The following KCNJ6 variants were observed in gnomAD, a reference collection of about 807,000 sequenced individuals.
The protein encoded by KCNJ6 is G protein-activated inward rectifier potassium channel 2.
Under a neutral mutation model 34.2 loss-of-function variants are expected in KCNJ6, and 9 were observed. The ratio of observed to expected loss-of-function variants is 0.26; its 90% CI spans 0.16 to 0.46. The LOEUF is 0.46. Ranked by LOEUF, KCNJ6 falls within the 20% of genes least tolerant of loss-of-function variation. The probability of loss-of-function intolerance (pLI) is 1.00; values close to 1 mark genes in which losing one functional copy is unlikely to be tolerated. For missense variants in KCNJ6, 236 were observed against 531.3 expected, an observed-to-expected ratio of 0.44 and a Z score of 5.46; for synonymous variants, 196 against 207.1, an observed-to-expected ratio of 0.95 and a Z score of 0.46.
At chr21:37,677,295 C>T (rs961314644) in intron 3 of KCNJ6, among the ~76,000 whole-genome samples, 1 of 152,208 alleles carries the variant, frequency 6.6e-6, no homozygotes, top group Non-Finnish European at 1.5e-5. Flanking sequence ...AGGCAGCCCT[C>T]ACCTGCTCTG....
At chr21:37,781,232 G>A (rs2055167953) in intron 2 of KCNJ6, among the ~76,000 whole-genome samples, 1 of 152,358 alleles carries the variant, frequency 6.6e-6, no homozygotes, top group South Asian at 2.1e-4. Flanking sequence ...CCCAAGGGAT[G>A]TCAAGTGTGA....
At chr21:37,834,146 A>G (rs1045362287) in intron 2 of KCNJ6, among the ~76,000 whole-genome samples, 1 of 152,200 alleles carries the variant, frequency 6.6e-6, no homozygotes, top group Admixed American at 6.5e-5. Context: ...CCACGCCATG[A>G]TGCCTCAGTG....
At chr21:37,732,564 G>A (rs949714840) in intron 2 of KCNJ6, among the ~76,000 whole-genome samples, 1 of 152,204 alleles carries the variant, frequency 6.6e-6, no homozygotes, top group African/African-American at 2.4e-5. Flanking sequence ...TGACTGATGG[G>A]CAGGACGTTT....
intron 1 of KCNJ6, among the ~76,000 whole-genome samples, chr21:37,902,968 C>T (rs1445422336): frequency 6.6e-6 from 1 of 152,136 alleles, no homozygotes; most frequent in African/African-American, 2.4e-5. Context: ...CAGCAAGTCC[C>T]TCTTGCACAT....
intron 1 of KCNJ6, among the ~76,000 whole-genome samples, chr21:37,905,573 C>G (rs948720445): frequency 2.6e-5 from 4 of 152,318 alleles, no homozygotes; most frequent in Middle Eastern, 3.4e-3. Flanking sequence ...TACTGTTCTT[C>G]CAAGACTCCT....
intron 1 of KCNJ6, among the ~76,000 whole-genome samples, chr21:37,890,391 G>A (rs918041934): frequency 1.3e-5 from 2 of 152,168 alleles, no homozygotes; most frequent in African/African-American, 4.8e-5. Flanking sequence ...ACTACAATTC[G>A]AGGTGAGATT....
In KCNJ6 at chr21:37,618,015, A is replaced by C. The variant is rs140504048; in HGVS notation, c.*7144T>G. On this transcript the variant is annotated 3_prime_UTR_variant, in exon 4 of 4. Coordinates refer to ENST00000609713, the MANE Select transcript of KCNJ6 (RefSeq NM_002240.5). ...AGACCCTGCAGGGAGAAGCTCCCCT[A>C]GAGAGACCTCAGTGGGTGGGCATGG... The C allele has an allele frequency of 1.3e-5, 2 of 152,452 alleles. No individual in the cohort carries two copies. Among genetic ancestry groups the C allele is most frequent in the Non-Finnish European group, 2.9e-5 (2 of 68,126 alleles). 9.4% of individuals were successfully genotyped at this position (152,452 alleles called of 1,614,324 possible).
At chr21:37,778,055 G>A (rs1159125446) in intron 2 of KCNJ6, among the ~76,000 whole-genome samples, 1 of 152,134 alleles carries the variant, frequency 6.6e-6, no homozygotes, top group African/African-American at 2.4e-5. Context: ...TGTTTGACAA[G>A]GAGAGAGAAA....
intron 2 of KCNJ6, among the ~76,000 whole-genome samples, chr21:37,745,695 C>T (rs945723997): frequency 6.6e-5 from 10 of 152,256 alleles, no homozygotes; most frequent in Middle Eastern, 3.4e-3. Context: ...GGCAGATTCC[C>T]GTTCAATTCA....
At chr21:37,858,481 G>C (rs1485078176) in intron 1 of KCNJ6, among the ~76,000 whole-genome samples, 1 of 150,410 alleles carries the variant, frequency 6.6e-6, no homozygotes, top group Non-Finnish European at 1.5e-5. Flanking sequence ...GAGGGGAAAA[G>C]GGGATTCATG....
At chr21:37,775,266 G>A (rs1353531505) in intron 2 of KCNJ6, among the ~76,000 whole-genome samples, 14 of 152,146 alleles carry the variant, frequency 9.2e-5, no homozygotes, top group African/African-American at 3.1e-4. Flanking sequence ...TGTCAGGTGA[G>A]TAGATTGCAA....
intron 3 of KCNJ6, among the ~76,000 whole-genome samples, chr21:37,694,223 C>T (rs1031079117): frequency 2.6e-5 from 4 of 152,168 alleles, no homozygotes; most frequent in Non-Finnish European, 4.4e-5. Context: ...GTGGAGGTGA[C>T]GATTGGACCC....
intron 1 of KCNJ6, among the ~76,000 whole-genome samples, chr21:37,897,574 C>A (rs1376204490): frequency 2.6e-5 from 4 of 152,318 alleles, no homozygotes; most frequent in Admixed American, 6.5e-5. Flanking sequence ...TGTGGCCTGT[C>A]CCCATTTCCC....
chr21:37,627,653 C>T (rs544705900), intron 3 of KCNJ6, among the ~76,000 whole-genome samples: 7 of 152,288 alleles, frequency 4.6e-5, no homozygotes, highest in African/African-American at 1.4e-4. Flanking sequence ...AAGAGGTTCA[C>T]AGGGAGCTTT....
intron 1 of KCNJ6, among the ~76,000 whole-genome samples, chr21:37,902,649 T>A (rs957023104): frequency 6.6e-6 from 1 of 152,170 alleles, no homozygotes; most frequent in African/African-American, 2.4e-5. Flanking sequence ...CTGACCCTCG[T>A]TGGCAAAGAA....
chr21:37,728,052 C>T lies in KCNJ6; in HGVS notation c.26-12921G>A, dbSNP rs150908654. On this transcript the variant is annotated intron_variant, in intron 2 of 3. Coordinates refer to ENST00000609713, the MANE Select transcript of KCNJ6 (RefSeq NM_002240.5). ...CAGTGGCCAAAAGGTGGTAGCAATT[C>T]GAGTGTCCATCAACAGAAAAATGGA... 2.6e-3 allele frequency among the ~76,000 whole-genome samples: 391 copies of T among 152,280 alleles called. 4 individuals carry two copies. The highest frequency in any genetic ancestry group is 8.9e-3 in the African/African-American group (370 of 41,554).
intron 2 of KCNJ6, among the ~76,000 whole-genome samples, chr21:37,726,605 T>C (rs1033279971): frequency 6.6e-6 from 1 of 152,208 alleles, no homozygotes; most frequent in Non-Finnish European, 1.5e-5. Context: ...TGAATGTGTG[T>C]GTATGTGTGT....
intron 2 of KCNJ6, among the ~76,000 whole-genome samples, chr21:37,731,775 A>T (rs999863001): frequency 1.3e-5 from 2 of 152,234 alleles, no homozygotes; most frequent in African/African-American, 4.8e-5. Flanking sequence ...TTCAGGAAGC[A>T]TCCACAGATA....
At chr21:37,869,635 TAGAC>T (rs1431628229) in intron 1 of KCNJ6, among the ~76,000 whole-genome samples, 1 of 152,190 alleles carries the variant, frequency 6.6e-6, no homozygotes, top group Non-Finnish European at 1.5e-5. Context: ...TTGAAGGAAG[TAGAC>T]AGGTTCTAGC....
Sources: gnomAD v4.1 joint callset for allele counts (sites outside exome capture counted in the v4.1 genomes callset) on GRCh38, gnomAD v4.1.1 for gene constraint, MANE v1.5 for transcripts, NCBI Gene and HGNC (gene_info 2026-07-23, HGNC 2026-07-21) for gene names.